Variants in LRRC8B observed in about 807,000 individuals in gnomAD.
The protein encoded by LRRC8B is leucine rich repeat containing 8 VRAC subunit B.
LRRC8B carries 23 observed loss-of-function variants against 58.8 expected under a neutral mutation model. The observed-to-expected ratio is 0.39, with a 90% CI of 0.28 to 0.55. The LOEUF is 0.55. Ranked by LOEUF, LRRC8B falls within the 20% of genes least tolerant of loss-of-function variation. The pLI, the probability that LRRC8B is intolerant of heterozygous loss-of-function variation, is 0.62. For synonymous variants in LRRC8B, 359 were observed against 374.1 expected (o/e 0.96, Z 0.47); for missense variants, 694 against 936.0 (o/e 0.74, Z 3.37).
chr1:89,558,626 G>C (rs1471515456), intron 1 of LRRC8B: 3 of 152,140 alleles, frequency 2.0e-5, no homozygotes. Context: ...TCTGGGTTAG[G>C]TGCCTGCCTT....
rs934002206 is a variant in LRRC8B at position 89,596,918 on chromosome 1, A to G, written c.*3875A>G. 1 of 152,188 alleles carries G rather than the reference A, an allele frequency of 6.6e-6. No individual in the cohort carries two copies. The highest frequency in any genetic ancestry group is 1.5e-5 in the Non-Finnish European group (1 of 68,020). The allele number at this position is 152,188 out of a possible 1,614,324, so 9.4% of individuals were successfully genotyped here. On this transcript the variant is annotated 3_prime_UTR_variant, in exon 6 of 6. Transcript: ENST00000330947. ...GATCTGCTTTGTTTTCAGTAACTGT[A>G]CATTGCATCAGAATCTGTTTATTTC...
In LRRC8B at chr1:89,536,811, T is replaced by C. The variant is rs960735176; in HGVS notation, c.-241+11789T>C. On this transcript the variant is annotated intron_variant, in intron 1 of 5. Coordinates refer to ENST00000330947, the MANE Select transcript of LRRC8B (RefSeq NM_001369817.2). ...AGTTCAAACTTTGAGTTTATTTGAG[T>C]AAGCTGATTCGAGTCATGGTATTCC... Among the ~76,000 whole-genome samples, 4 of 152,138 alleles carry C rather than the reference T, an allele frequency of 2.6e-5. No individual in the cohort carries two copies. In the East Asian group the frequency reaches 7.7e-4, roughly 29 times the overall value.
chr1:89,589,268 G>A (rs1654824624), intron 5 of LRRC8B, among the ~76,000 whole-genome samples: 1 of 152,142 alleles, frequency 6.6e-6, no homozygotes, highest in Non-Finnish European at 1.5e-5. Context: ...AAGGGGGCTA[G>A]GATGGAACCC....
intron 1 of LRRC8B, among the ~76,000 whole-genome samples, chr1:89,548,328 A>G (rs1651559126): frequency 6.6e-6 from 1 of 152,212 alleles, no homozygotes; most frequent in South Asian, 2.1e-4. Flanking sequence ...TGATTATGCA[A>G]TAATGCATAC....
intron 1 of LRRC8B, among the ~76,000 whole-genome samples, chr1:89,564,855 T>C (rs1652934152): frequency 6.6e-6 from 1 of 152,216 alleles, no homozygotes; most frequent in Non-Finnish European, 1.5e-5. Flanking sequence ...TGTTTAATAG[T>C]CACTTAAATA....
At chr1:89,580,741 AG>A (rs1219035089) in intron 4 of LRRC8B, among the ~76,000 whole-genome samples, 2 of 152,200 alleles carry the variant, frequency 1.3e-5, no homozygotes, top group Non-Finnish European at 2.9e-5. Flanking sequence ...AGGTCCTAGG[AG>A]GAAGGTGAAT....
intron 1 of LRRC8B, among the ~76,000 whole-genome samples, chr1:89,556,457 A>C (rs1255223777): frequency 6.6e-6 from 1 of 152,158 alleles, no homozygotes; most frequent in African/African-American, 2.4e-5. Context: ...ATTTATAGTC[A>C]AGTCAAACAG....
intron 1 of LRRC8B, among the ~76,000 whole-genome samples, chr1:89,536,309 C>T (rs959135798): frequency 1.3e-5 from 2 of 152,180 alleles, no homozygotes; most frequent in African/African-American, 4.8e-5. Flanking sequence ...ATATGGCACT[C>T]GAATCCTGAT....
chr1:89,593,738 TTTTGATA>T lies in LRRC8B; in HGVS notation c.*699_*705del, dbSNP rs1655139088. ...CACACTTGTTTTAACTGACTTCCTG[TTTTGATA>T]TTTATCACCAAGACCATAAACTCAT... On this transcript the variant is annotated 3_prime_UTR_variant, in exon 6 of 6. Coordinates refer to ENST00000330947, the MANE Select transcript of LRRC8B (RefSeq NM_001369817.2). 6.6e-6 allele frequency: 1 copy of T among 152,236 alleles called. No individual in the cohort carries two copies. Among genetic ancestry groups the T allele is most frequent in the Non-Finnish European group, 1.5e-5 (1 of 68,054 alleles). 9.4% of individuals were successfully genotyped at this position (152,236 alleles called of 1,614,324 possible).
chr1:89,579,363 C>T (rs1209197303), intron 3 of LRRC8B, among the ~76,000 whole-genome samples: 1 of 152,116 alleles, frequency 6.6e-6, no homozygotes, highest in African/African-American at 2.4e-5. Flanking sequence ...GAATGTGCCC[C>T]AGTGTGAAAA....
At chr1:89,528,082 T>C (rs184823464) in intron 1 of LRRC8B, among the ~76,000 whole-genome samples, 151 of 152,234 alleles carry the variant, frequency 9.9e-4, no homozygotes, top group Non-Finnish European at 1.0e-3. Flanking sequence ...AGACTGTATA[T>C]ATTTAAACTT....
At chr1:89,540,985 G>A (rs424350) in intron 1 of LRRC8B, among the ~76,000 whole-genome samples, 76,387 of 152,036 alleles carry the variant, frequency 0.5, 19,419 homozygotes, top group South Asian at 0.55. Context: ...TTTTGAACCA[G>A]ATGATTTGGG....
chr1:89,562,181 A>ACACACACACC (rs1553157003), intron 1 of LRRC8B, among the ~76,000 whole-genome samples: 3 of 149,814 alleles, frequency 2.0e-5, no homozygotes, highest in Non-Finnish European at 4.5e-5. Flanking sequence ...ACACACACAC[A>ACACACACACC]CCCTCTGCAT....
rs559949561 is a variant in LRRC8B at position 89,562,473 on chromosome 1, C to CT, written c.-240-5764dup. On this transcript the variant is annotated intron_variant, in intron 1 of 5. Coordinates refer to ENST00000330947, the MANE Select transcript of LRRC8B (RefSeq NM_001369817.2). ...TTAACTTCATATATTGCTATTTATC[C>CT]TTTTTTTTTTCTTTCCGAGACTTGG... Among the ~76,000 whole-genome samples, 349 of 149,078 alleles carry CT rather than the reference C, an allele frequency of 2.3e-3. 1 individual carries two copies. Among genetic ancestry groups the CT allele is most frequent in the African/African-American group, 3.5e-3 (142 of 40,768 alleles).
chr1:89,552,227 G>T (rs1395866031), intron 1 of LRRC8B, among the ~76,000 whole-genome samples: 1 of 152,066 alleles, frequency 6.6e-6, no homozygotes. Context: ...CTCAAATCCT[G>T]CTTAAAATTA....
intron 1 of LRRC8B, among the ~76,000 whole-genome samples, chr1:89,548,146 T>C (rs1651546189): frequency 6.6e-6 from 1 of 152,392 alleles, no homozygotes; most frequent in Admixed American, 6.5e-5. Context: ...TATATATTGA[T>C]TACATTTCAC....
chr1:89,569,277 T>G (rs1398613787), intron 3 of LRRC8B, among the ~76,000 whole-genome samples: 2 of 152,198 alleles, frequency 1.3e-5, no homozygotes, highest in Non-Finnish European at 2.9e-5. Flanking sequence ...CCATTCTGAC[T>G]CTTTGAGTTA....
intron 1 of LRRC8B, among the ~76,000 whole-genome samples, chr1:89,551,074 G>A (rs1023288194): frequency 6.6e-6 from 1 of 151,982 alleles, no homozygotes; most frequent in Admixed American, 6.6e-5. Context: ...TGGCCGTGAA[G>A]ATCCTCTGCA....
Position 89,583,344 on chromosome 1 carries a change from G to GA in LRRC8B, c.696dup (p.Gln233ThrfsTer7). 1 of 1,614,186 alleles carries GA rather than the reference G, an allele frequency of 6.2e-7. No individual in the cohort carries two copies. Among genetic ancestry groups the GA allele is most frequent in the Non-Finnish European group, 8.5e-7 (1 of 1,180,024 alleles). ...CAGTGTCCTGGACAAGAAGGAGGGT[G>GA]AACAGGCCAAAGCCATCTTTGAAAA... On this transcript the variant is annotated frameshift_variant, in exon 5 of 6. Coordinates refer to ENST00000330947, the MANE Select transcript of LRRC8B (RefSeq NM_001369817.2). LOFTEE classifies it high-confidence loss of function. This position sits in a 1 kb window ranked among gnomAD's most constrained non-coding sequence, Gnocchi z 5.2.
Sources: gnomAD v4.1 joint callset for allele counts (sites outside exome capture counted in the v4.1 genomes callset) on GRCh38, gnomAD v4.1.1 for gene constraint, Gnocchi (gnomAD v3.1) non-coding constraint, MANE v1.5 for transcripts, NCBI Gene and HGNC (gene_info 2026-07-23, HGNC 2026-07-21) for gene names.